Variants in NUP107 observed in about 807,000 individuals in gnomAD.
NUP107 encodes nuclear pore complex protein Nup107.
A neutral mutation model predicts 141.0 loss-of-function variants in NUP107; 101 were observed. The observed-to-expected ratio is 0.72, with a 90% CI of 0.61 to 0.84. The LOEUF is 0.84. Ranked by LOEUF, NUP107 falls within the 40% of genes least tolerant of loss-of-function variation. The probability of loss-of-function intolerance (pLI) is 0.00; values close to 1 mark genes in which losing one functional copy is unlikely to be tolerated. For synonymous variants in NUP107, 319 were observed against 363.9 expected, an observed-to-expected ratio of 0.88 and a Z score of 1.41; for missense variants, 941 against 1,102.7, an observed-to-expected ratio of 0.85 and a Z score of 2.08.
chr12:68,702,722 T>G lies in NUP107; in HGVS notation c.681-14T>G. ...TGAAATAAGGCTTTTTTATTTTGTCTTATTTTTCCCCAGAGACAGAATACA... is the reference window on the plus strand; with the variant it reads ...TGAAATAAGGCTTTTTTATTTTGTCGTATTTTTCCCCAGAGACAGAATACA... On this transcript the variant is annotated splice_polypyrimidine_tract_variant and intron_variant, in intron 7 of 27. Coordinates refer to ENST00000229179, the MANE Select transcript of NUP107 (RefSeq NM_020401.4). 6.6e-7 allele frequency: 1 copy of G among 1,526,170 alleles called. No homozygotes were observed. The highest frequency in any genetic ancestry group is 1.3e-5 in the South Asian group (1 of 76,932). The allele number at this position is 1,526,170 out of a possible 1,614,324, so 94.5% of individuals were successfully genotyped here.
intron 7 of NUP107, among the ~76,000 whole-genome samples, 191 bp from the exon 8 acceptor site, chr12:68,702,545 A>G (rs975804738): frequency 5.3e-5 from 8 of 152,162 alleles, no homozygotes; most frequent in Admixed American, 1.3e-4. Flanking sequence ...GATTACAGGT[A>G]TGAGCCAGTG....
chr12:68,718,231 C>T (rs1049028122), intron 12 of NUP107, among the ~76,000 whole-genome samples: 23 of 152,174 alleles, frequency 1.5e-4, no homozygotes, highest in African/African-American at 5.5e-4. Context: ...AGTATATTTT[C>T]TTTCCCAGTA....
intron 8 of NUP107, among the ~76,000 whole-genome samples, chr12:68,707,307 GAA>G (rs113669292): frequency 1.3e-5 from 2 of 149,930 alleles, no homozygotes; most frequent in African/African-American, 2.5e-5. Context: ...TGTCAAAAAA[GAA>G]AAAAAAAATG....
intron 15 of NUP107, 70 bp from the exon 16 acceptor site, chr12:68,721,771 G>T (rs1877359882): frequency 7.1e-7 from 1 of 1,405,334 alleles, no homozygotes; most frequent in Admixed American, 2.0e-5. Context: ...TGTATCATTG[G>T]ATGTAATTGC....
rs778919531 is a variant in NUP107, at chr12:68,705,855, C to G, written c.729+3071C>G. ...TCACGGTCAACCAGAGCCTGCTGAG[C>G]CCCCTTAACCTGGAGGTGGACCCCA... On this transcript the variant is annotated intron_variant, in intron 8 of 27. Coordinates refer to ENST00000229179, the MANE Select transcript of NUP107 (RefSeq NM_020401.4). 134 of 781,524 alleles carry G rather than the reference C, an allele frequency of 1.7e-4. 1 individual carries two copies. The Middle Eastern group carries it at 7.0e-3, about 41-fold the overall frequency. The allele number at this position is 781,524 out of a possible 1,614,324, so 48.4% of individuals were successfully genotyped here. A position where few individuals can be genotyped will look rare whatever the true frequency, so the allele number is the denominator to read the frequency against.
Position 68,687,032 on chromosome 12 carries a change from C to G in NUP107, c.-34C>G, listed in dbSNP as rs754753199. 6 of 1,614,054 alleles carry G rather than the reference C, an allele frequency of 3.7e-6. No homozygotes were observed. In the Middle Eastern group the frequency reaches 5.0e-4, roughly 133 times the overall value. On this transcript the variant is annotated 5_prime_UTR_variant, in exon 1 of 28. Transcript: ENST00000229179. The stretch of plus-strand genomic sequence containing the variant: ...CTAAAACGCGGTAGCTAAACTGCAG[C>G]CAACTTTGGTTGTGTGTGGAAAAGG...
chr12:68,712,947 A>C (rs1024281825), intron 10 of NUP107, among the ~76,000 whole-genome samples: 5 of 152,210 alleles, frequency 3.3e-5, no homozygotes, highest in African/African-American at 1.2e-4. Flanking sequence ...AAAAACCATA[A>C]AGCTTTTAAA....
chr12:68,687,736 A>G (rs1875568192), intron 1 of NUP107: 5 of 768,468 alleles, frequency 6.5e-6, no homozygotes, highest in African/African-American at 5.7e-5. Flanking sequence ...TGTGACTGCC[A>G]TTGTTCTAAA....
chr12:68,691,118 T>C (rs942324199), intron 4 of NUP107, among the ~76,000 whole-genome samples: 4 of 152,192 alleles, frequency 2.6e-5, no homozygotes, highest in Admixed American at 6.5e-5. Flanking sequence ...TTAACAAATA[T>C]TGAGTCAGAA....
At chr12:68,734,666 T>A (rs776347231) in intron 24 of NUP107, 42 bp from the exon 25 acceptor site, 8 of 1,434,056 alleles carry the variant, frequency 5.6e-6, no homozygotes, top group Non-Finnish European at 7.5e-6. Context: ...AAGTGAAAAC[T>A]TTTGTTATTT....
intron 10 of NUP107, among the ~76,000 whole-genome samples, chr12:68,713,379 A>G (rs1481589521): frequency 6.6e-6 from 1 of 151,388 alleles, no homozygotes; most frequent in East Asian, 1.9e-4. Flanking sequence ...TGTCTCCAAA[A>G]AAAAAAAAAA....
chr12:68,693,771 T>C (rs558281724), intron 5 of NUP107, among the ~76,000 whole-genome samples: 1 of 152,358 alleles, frequency 6.6e-6, no homozygotes, highest in South Asian at 2.1e-4. Context: ...TTAATGTAAA[T>C]AGCAGCCTGT....
intron 8 of NUP107, chr12:68,707,076 C>A (rs1592501873): frequency 7.0e-6 from 4 of 569,042 alleles, no homozygotes; most frequent in Admixed American, 3.0e-5. Context: ...AAGTGAACAG[C>A]CGTGACAGCC....
intron 9 of NUP107, 117 bp downstream of exon 9, chr12:68,709,426 T>G: frequency 1.8e-6 from 1 of 569,858 alleles, no homozygotes; most frequent in Non-Finnish European, 3.0e-6. Flanking sequence ...TTCTACTTGA[T>G]CTTTTTATTT....
chr12:68,730,471 A>T (rs1877775863), intron 20 of NUP107, among the ~76,000 whole-genome samples: 1 of 151,956 alleles, frequency 6.6e-6, no homozygotes, highest in Admixed American at 6.6e-5. Context: ...CGCCTGCCTC[A>T]GCCTCCCAGA....
intron 12 of NUP107, among the ~76,000 whole-genome samples, chr12:68,718,585 C>T (rs1171156195): frequency 4.6e-5 from 7 of 151,834 alleles, no homozygotes; most frequent in African/African-American, 7.3e-5. Context: ...CAGTGGGTGC[C>T]GTGGGAACGT....
chr12:68,732,875 G>T lies in NUP107; in HGVS notation c.2101+136G>T, dbSNP rs115415315. ...TTAAAAAATTTTTTCTAGAGATGGG[G>T]TCTCACTATGTTGCCTAGGCGGGTC... On this transcript the variant is annotated intron_variant, in intron 23 of 27. Transcript: ENST00000229179. 3,434 of 499,674 alleles carry T rather than the reference G, an allele frequency of 6.9e-3. 95 individuals carry two copies. The highest frequency in any genetic ancestry group is 0.059 in the African/African-American group (3,042 of 51,290). 31.0% of individuals were successfully genotyped at this position (499,674 alleles called of 1,614,324 possible).
At chr12:68,706,650 CATGGGG>C in intron 8 of NUP107, 1 of 720,896 alleles carries the variant, frequency 1.4e-6, no homozygotes, top group Non-Finnish European at 2.6e-6. Flanking sequence ...TGCTGAGCAG[CATGGGG>C]AGCTGGCAGT....
intron 20 of NUP107, among the ~76,000 whole-genome samples, chr12:68,728,963 T>G (rs1324351656): frequency 6.6e-6 from 1 of 152,110 alleles, no homozygotes. Flanking sequence ...CTCATGACTT[T>G]TCTCTGCTTC....
Sources: allele counts gnomAD v4.1 joint callset (sites outside exome capture counted in the v4.1 genomes callset), GRCh38; gene constraint gnomAD v4.1.1; transcripts MANE v1.5; gene names NCBI Gene and HGNC (gene_info 2026-07-23, HGNC 2026-07-21).